Variants in CLVS1 observed in about 807,000 individuals in gnomAD.
CLVS1 encodes the protein clavesin-1.
Under a neutral mutation model 33.1 loss-of-function variants are expected in CLVS1, and 10 were observed. The ratio of observed to expected loss-of-function variants is 0.30; its 90% CI spans 0.19 to 0.51. The LOEUF (loss-of-function observed/expected upper bound fraction) is 0.51. Among genes scored for constraint, CLVS1 ranks in the 20% least tolerant of loss-of-function variants. The probability of loss-of-function intolerance (pLI) is 0.97; values close to 1 mark genes in which losing one functional copy is unlikely to be tolerated. For missense variants in CLVS1, 343 were observed against 433.4 expected (o/e 0.79, Z 1.85); for synonymous variants, 163 against 166.1 (o/e 0.98, Z 0.14).
chr8:61,421,493 G>T (rs1463198216), intron 3 of CLVS1, among the ~76,000 whole-genome samples: 1 of 152,212 alleles, frequency 6.6e-6, no homozygotes, highest in African/African-American at 2.4e-5. Context: ...TCTGATGAAA[G>T]CAATCCCTAT....
intron 2 of CLVS1, among the ~76,000 whole-genome samples, chr8:61,319,584 T>A (rs992580200): frequency 6.6e-6 from 1 of 152,092 alleles, no homozygotes; most frequent in African/African-American, 2.4e-5. Flanking sequence ...TCCTGAGAGG[T>A]AGATCTGGTT....
intron 2 of CLVS1, among the ~76,000 whole-genome samples, chr8:61,215,259 C>G (rs1439767882): frequency 6.6e-6 from 1 of 152,064 alleles, no homozygotes. Context: ...TATTAAATAT[C>G]CTAGCAGTCA....
chr8:61,100,889 G>A (rs1004364571), intron 1 of CLVS1, among the ~76,000 whole-genome samples: 5 of 152,100 alleles, frequency 3.3e-5, no homozygotes, highest in African/African-American at 4.8e-5. Flanking sequence ...CCATGGTGTA[G>A]CATGTATCAG....
chr8:61,331,843 CCTCCTCCTT>C (rs956545189), intron 2 of CLVS1, among the ~76,000 whole-genome samples: 1 of 151,064 alleles, frequency 6.6e-6, no homozygotes, highest in African/African-American at 2.4e-5. Flanking sequence ...TCCTCCTCCT[CCTCCTCCTT>C]CTTCTTCTCC....
intron 1 of CLVS1, among the ~76,000 whole-genome samples, chr8:61,290,597 C>T (rs1809951258): frequency 6.6e-6 from 1 of 152,134 alleles, no homozygotes; most frequent in African/African-American, 2.4e-5. Context: ...GAAGGTTTTA[C>T]AAAGAGAGGC....
At position 61,499,519 on chromosome 8, in the gene CLVS1, C is replaced by G. The variant is rs757147377; in HGVS notation, c.1042C>G (p.Gln348Glu). The stretch of plus-strand genomic sequence containing the variant: ...GGAGAAGGGAGAGAATGAGAACACC[C>G]AGCCACTCCTGGCTCTGGACTGAAC... ...HEEKGENENT[Q>E]PLLALD Residue 348 changes from glutamine to glutamate, a missense_variant, in exon 6 of 6, where the codon CAG becomes GAG. By Grantham distance (29) the Gln-to-Glu change is conservative. This residue lies in a region of CLVS1 where 86 missense variants were observed against 95.0 expected (regional missense o/e 0.91). Transcript: ENST00000325897. The G allele has an allele frequency of 1.2e-6, 2 of 1,613,664 alleles. No individual in the cohort carries two copies. Among genetic ancestry groups the G allele is most frequent in the South Asian group, 2.2e-5 (2 of 91,060 alleles).
chr8:61,202,185 A>G (rs191717853), intron 2 of CLVS1, among the ~76,000 whole-genome samples: 229 of 152,344 alleles, frequency 1.5e-3, no homozygotes, highest in Non-Finnish European at 2.4e-3. Flanking sequence ...TATTTAGGCT[A>G]AGTTGTAGGA....
chr8:61,258,152 T>G (rs1809125977), intron 2 of CLVS1, among the ~76,000 whole-genome samples: 1 of 152,178 alleles, frequency 6.6e-6, no homozygotes, highest in South Asian at 2.1e-4. Flanking sequence ...TTTTTTAATT[T>G]AGATGGAGGC....
intron 5 of CLVS1, among the ~76,000 whole-genome samples, chr8:61,499,090 G>A (rs188363913): frequency 1.0e-3 from 158 of 152,210 alleles, no homozygotes; most frequent in Admixed American, 7.3e-3. Flanking sequence ...CTTTTTTGCC[G>A]TAAAAATGTG....
chr8:61,296,830 C>T (rs1414333278), intron 1 of CLVS1, among the ~76,000 whole-genome samples: 2 of 152,094 alleles, frequency 1.3e-5, no homozygotes, highest in Non-Finnish European at 2.9e-5. Flanking sequence ...GTCGCTCTGC[C>T]CATGGAGCTG....
At chr8:61,305,728 GC>G (rs1810601056) in intron 2 of CLVS1, among the ~76,000 whole-genome samples, 1 of 151,910 alleles carries the variant, frequency 6.6e-6, no homozygotes, top group Admixed American at 6.6e-5. Flanking sequence ...CCTCTGAAAG[GC>G]CCCAGTGTTT....
chr8:61,419,694 T>C (rs1815580935), intron 3 of CLVS1, among the ~76,000 whole-genome samples: 1 of 152,224 alleles, frequency 6.6e-6, no homozygotes, highest in Non-Finnish European at 1.5e-5. Flanking sequence ...AGCAGCTGAC[T>C]CTAGGAGCTG....
Position 61,370,158 on chromosome 8 carries a change from A to G in CLVS1, c.456-6447A>G, listed in dbSNP as rs938085600. Among the ~76,000 whole-genome samples, 4 of 152,116 alleles carry G rather than the reference A, an allele frequency of 2.6e-5. No individual in the cohort carries two copies. In the South Asian group the frequency reaches 8.3e-4, roughly 32 times the overall value. ...AATCATCATATTAAGTGTGATGTCA[A>G]GAGGTTTAAAGACAGAACTGGGCAA... On this transcript the variant is annotated intron_variant, in intron 2 of 5. Transcript: ENST00000325897.
intron 2 of CLVS1, among the ~76,000 whole-genome samples, chr8:61,173,684 G>C (rs780896186): frequency 1.8e-4 from 28 of 152,196 alleles, no homozygotes; most frequent in Non-Finnish European, 3.4e-4. Context: ...GAGAAAAGGG[G>C]AGCTCAGGCT....
the CLVS1 span, among the ~76,000 whole-genome samples, chr8:60,988,535 T>G: frequency 6.6e-6 from 1 of 151,808 alleles, no homozygotes; most frequent in Non-Finnish European, 1.5e-5. Context: ...AAAAAAAGAG[T>G]TATGAATTCT....
At chr8:61,045,119 C>T in the CLVS1 span, among the ~76,000 whole-genome samples, 3 of 152,214 alleles carry the variant, frequency 2.0e-5, no homozygotes, top group Non-Finnish European at 4.4e-5. Context: ...AGAACTTCCT[C>T]TCACCAGGGC....
chr8:61,392,095 G>A lies in CLVS1; in HGVS notation c.630+15316G>A, dbSNP rs577424027. Among the ~76,000 whole-genome samples the A allele has an allele frequency of 8.5e-5, 13 of 152,210 alleles. No homozygotes were observed. The South Asian group carries it at 2.5e-3, about 29-fold the overall frequency. ...ATACATAGGGAAAATAATCAACTTT[G>A]AGCGTAAATCTAATATTCAGTATTT... On this transcript the variant is annotated intron_variant, in intron 3 of 5. Transcript: ENST00000325897.
chr8:61,393,739 A>G (rs1039396148), intron 3 of CLVS1, among the ~76,000 whole-genome samples: 1 of 152,194 alleles, frequency 6.6e-6, no homozygotes, highest in Non-Finnish European at 1.5e-5. Flanking sequence ...ATGTCTGCAA[A>G]GAGTCCTGTG....
intron 3 of CLVS1, among the ~76,000 whole-genome samples, chr8:61,385,876 G>C (rs1814062605): frequency 6.6e-6 from 1 of 152,174 alleles, no homozygotes. Flanking sequence ...CTGAACCATA[G>C]AGACTAAAAT....
Sources: gnomAD v4.1 joint callset for allele counts (sites outside exome capture counted in the v4.1 genomes callset) on GRCh38, gnomAD v4.1.1 for gene constraint, gnomAD v4.1.1 regional missense constraint, MANE v1.5 for transcripts, NCBI Gene and HGNC (gene_info 2026-07-23, HGNC 2026-07-21) for gene names.